The following SLC35D2 variants were observed in gnomAD, a reference collection of about 807,000 sequenced individuals.
SLC35D2 encodes the protein nucleotide sugar transporter SLC35D2.
In SLC35D2, 43 loss-of-function variants were observed where a neutral mutation model predicts 41.8. That is an observed-to-expected ratio of 1.03 (90% confidence interval 0.81 to 1.33). The LOEUF (loss-of-function observed/expected upper bound fraction) is 1.33. Among genes scored for constraint, SLC35D2 ranks in the 40% most tolerant of loss-of-function variants. SLC35D2 has a pLI of 0.00. For missense variants in SLC35D2, 380 were observed against 408.4 expected (o/e 0.93, Z 0.60); for synonymous variants, 150 against 163.9 (o/e 0.92, Z 0.65).
chr9:96,335,420 C>T (rs1288351681), intron 9 of SLC35D2, among the ~76,000 whole-genome samples: 3 of 152,056 alleles, frequency 2.0e-5, no homozygotes, highest in African/African-American at 7.2e-5. Flanking sequence ...AGTGCCGTGG[C>T]GCGATCTTGG....
At chr9:96,326,805 CAAAA>C (rs373966865) in intron 9 of SLC35D2, among the ~76,000 whole-genome samples, 2 of 105,720 alleles carry the variant, frequency 1.9e-5, no homozygotes, top group African/African-American at 3.2e-5. Context: ...GACTCTGTCT[CAAAA>C]AAAAAAAAAA....
At chr9:96,362,493 G>A (rs1044045885) in intron 3 of SLC35D2, among the ~76,000 whole-genome samples, 1 of 151,034 alleles carries the variant, frequency 6.6e-6, no homozygotes, top group African/African-American at 2.4e-5. Context: ...GGCAATAAGA[G>A]CAAAACTCCA....
At position 96,350,271 on chromosome 9, in the gene SLC35D2, A is replaced by G. The variant is rs1829755607; in HGVS notation, c.488+832T>C. On this transcript the variant is annotated intron_variant, in intron 6 of 11. Transcript: ENST00000253270. Reference sequence around the variant, plus strand: ...CTGCAACCTCAAACTCCTGGGCCCAAGAGATCCTCTTTCCCCAGCCTCCTG... The same window carrying G: ...CTGCAACCTCAAACTCCTGGGCCCAGGAGATCCTCTTTCCCCAGCCTCCTG... 2.0e-5 allele frequency among the ~76,000 whole-genome samples: 3 copies of G among 151,596 alleles called. No individual in the cohort carries two copies. The South Asian group carries it at 6.3e-4, about 32-fold the overall frequency.
chr9:96,351,894 C>G (rs1361630230), intron 5 of SLC35D2, 144 bp downstream of exon 5: 3 of 492,700 alleles, frequency 6.1e-6, no homozygotes, highest in African/African-American at 4.0e-5. Flanking sequence ...CTTAGGGAAT[C>G]ACAGAAGCAC....
At chr9:96,326,911 T>C (rs564799231) in intron 9 of SLC35D2, among the ~76,000 whole-genome samples, 11 of 152,060 alleles carry the variant, frequency 7.2e-5, no homozygotes, top group African/African-American at 2.7e-4. Context: ...TATTTATCCA[T>C]ACAATGAAAA....
chr9:96,327,935 A>G (rs1284184806), intron 9 of SLC35D2, among the ~76,000 whole-genome samples: 2 of 151,830 alleles, frequency 1.3e-5, no homozygotes, highest in Non-Finnish European at 1.5e-5. Context: ...ACTTCTTAAT[A>G]TACCCACTAG....
intron 9 of SLC35D2, among the ~76,000 whole-genome samples, chr9:96,334,831 A>G (rs1387581259): frequency 1.3e-5 from 2 of 152,196 alleles, no homozygotes; most frequent in Non-Finnish European, 2.9e-5. Flanking sequence ...AATAAAAGGC[A>G]CAGTCACAAG....
chr9:96,380,071 A>AT (rs545964226), intron 1 of SLC35D2, among the ~76,000 whole-genome samples: 151 of 152,002 alleles, frequency 9.9e-4, no homozygotes, highest in Non-Finnish European at 1.7e-3. Flanking sequence ...TAATATTTGT[A>AT]TTTTTAGTAG....
intron 9 of SLC35D2, among the ~76,000 whole-genome samples, chr9:96,326,790 A>G (rs1828552543): frequency 6.8e-6 from 1 of 146,716 alleles, no homozygotes; most frequent in Non-Finnish European, 1.5e-5. Context: ...TGGGCAACAG[A>G]GCGAGACTCT....
chr9:96,333,989 C>T (rs1243489931), intron 9 of SLC35D2, among the ~76,000 whole-genome samples: 1 of 152,070 alleles, frequency 6.6e-6, no homozygotes, highest in Non-Finnish European at 1.5e-5. Context: ...GACTCACAAG[C>T]ATGGCTTAGA....
At chr9:96,324,028 A>G (rs2130834577) in intron 10 of SLC35D2, 63 bp downstream of exon 10, 1 of 1,440,552 alleles carries the variant, frequency 6.9e-7, no homozygotes, top group South Asian at 1.2e-5. Flanking sequence ...CCGGCCTCCC[A>G]TGGAATATTT....
downstream of SLC35D2, among the ~76,000 whole-genome samples, chr9:96,316,759 C>T (rs918826900): frequency 2.2e-5 from 3 of 137,552 alleles, no homozygotes; most frequent in African/African-American, 8.4e-5. Context: ...ATATATTTCA[C>T]TCTTCTCTAA....
chr9:96,363,697 A>G (rs76607443), intron 3 of SLC35D2, among the ~76,000 whole-genome samples: 3,507 of 152,346 alleles, frequency 0.023, 145 homozygotes, highest in African/African-American at 0.08. Context: ...CAGGATAAAA[A>G]TGAAAACTGA....
At chr9:96,343,491 T>C (rs372877458) in intron 8 of SLC35D2, among the ~76,000 whole-genome samples, 61 of 152,358 alleles carry the variant, frequency 4.0e-4, no homozygotes, top group African/African-American at 1.3e-3. Context: ...TGACAACTCA[T>C]TGAATTACTC....
At chr9:96,342,236 G>C (rs188387930) in intron 8 of SLC35D2, among the ~76,000 whole-genome samples, 1 of 152,028 alleles carries the variant, frequency 6.6e-6, no homozygotes, top group Non-Finnish European at 1.5e-5. Flanking sequence ...TCAGCCTCCT[G>C]AGAAGCTGGG....
intron 3 of SLC35D2, among the ~76,000 whole-genome samples, chr9:96,360,890 C>T (rs1317887740): frequency 2.6e-5 from 4 of 151,750 alleles, no homozygotes; most frequent in African/African-American, 7.3e-5. Context: ...TACAGGCATC[C>T]GCCACCATGC....
chr9:96,355,500 A>AC (rs1165308616), intron 4 of SLC35D2, among the ~76,000 whole-genome samples: 3 of 151,100 alleles, frequency 2.0e-5, no homozygotes, highest in Non-Finnish European at 4.4e-5. Context: ...AGAAAAAAAA[A>AC]AAATTTTTTT....
intron 11 of SLC35D2, among the ~76,000 whole-genome samples, chr9:96,315,065 CTTGT>C (rs1276178446): frequency 6.6e-6 from 1 of 152,152 alleles, no homozygotes; most frequent in African/African-American, 2.4e-5. Context: ...GCCAGCTTTG[CTTGT>C]TTCACAGAAG....
At chr9:96,373,325 A>C (rs932846341) in intron 1 of SLC35D2, among the ~76,000 whole-genome samples, 1 of 152,136 alleles carries the variant, frequency 6.6e-6, no homozygotes, top group African/African-American at 2.4e-5. Flanking sequence ...TTCTGCAAAC[A>C]ATGAGAATTC....
Sources: gnomAD v4.1 joint callset for allele counts (sites outside exome capture counted in the v4.1 genomes callset) on GRCh38, gnomAD v4.1.1 for gene constraint, MANE v1.5 for transcripts, NCBI Gene and HGNC (gene_info 2026-07-23, HGNC 2026-07-21) for gene names.